CUBN: variants seen among roughly 807,000 people sequenced by gnomAD.
CUBN encodes cubilin, also known as 460 kDa receptor.
In CUBN, 282 loss-of-function variants were observed where a neutral mutation model predicts 405.3. The ratio of observed to expected loss-of-function variants is 0.70; its 90% CI spans 0.63 to 0.77. The LOEUF is 0.77. Among genes scored for constraint, CUBN ranks in the 30% least tolerant of loss-of-function variants. The pLI is 0.00. For missense variants in CUBN, 4,514 were observed against 4,475.2 expected, an observed-to-expected ratio of 1.01 and a Z score of -0.25; for synonymous variants, 1,684 against 1,617.0, an observed-to-expected ratio of 1.04 and a Z score of -0.99.
intron 40 of CUBN, 36 bp downstream of exon 40, chr10:16,933,051 A>T: frequency 6.3e-7 from 1 of 1,596,460 alleles, no homozygotes; most frequent in Non-Finnish European, 8.6e-7. Context: ...ATTATGTGTC[A>T]GGGTTGAAAC....
chr10:16,888,591 T>A, intron 55 of CUBN, 25 bp from the exon 56 acceptor site: 1 of 1,606,782 alleles, frequency 6.2e-7, no homozygotes, highest in Non-Finnish European at 8.5e-7. Context: ...AAAGTCATCA[T>A]CAGATCATTT....
chr10:17,054,065 G>A (rs990940619), intron 22 of CUBN, among the ~76,000 whole-genome samples: 1 of 151,994 alleles, frequency 6.6e-6, no homozygotes, highest in African/African-American at 2.4e-5. Context: ...GGGCGCAGTG[G>A]CTCACTCCTG....
At chr10:17,003,291 C>T (rs1239209946) in intron 28 of CUBN, among the ~76,000 whole-genome samples, 3 of 152,060 alleles carry the variant, frequency 2.0e-5, no homozygotes, top group African/African-American at 4.8e-5. Context: ...TAGCAGGAAG[C>T]GACACTGTGA....
intron 20 of CUBN, 57 bp downstream of exon 20, chr10:17,068,548 T>G (rs1835664242): frequency 2.9e-6 from 4 of 1,380,488 alleles, no homozygotes; most frequent in African/African-American, 1.5e-5. Flanking sequence ...TTTCTATCAT[T>G]CACTTATTCT....
At chr10:16,918,060 A>G (rs1841932032) in intron 45 of CUBN, among the ~76,000 whole-genome samples, 1 of 152,074 alleles carries the variant, frequency 6.6e-6, no homozygotes, top group Non-Finnish European at 1.5e-5. Flanking sequence ...TCTTTTCCCT[A>G]TTGCTTGCTT....
At chr10:17,031,441 C>T (rs74120105) in intron 27 of CUBN, among the ~76,000 whole-genome samples, 7,163 of 152,232 alleles carry the variant, frequency 0.047, 400 homozygotes, top group African/African-American at 0.13. Context: ...GAAAGTGAGG[C>T]ACATAGACAC....
intron 27 of CUBN, among the ~76,000 whole-genome samples, chr10:17,020,218 A>C (rs1834454169): frequency 6.6e-6 from 1 of 152,216 alleles, no homozygotes; most frequent in Non-Finnish European, 1.5e-5. Context: ...CCCAACTAGT[A>C]ACTTTTGGTT....
chr10:17,040,019 T>C (rs1834982454), intron 27 of CUBN, among the ~76,000 whole-genome samples: 1 of 152,182 alleles, frequency 6.6e-6, no homozygotes, highest in Non-Finnish European at 1.5e-5. Context: ...CTAGTTTTCC[T>C]ATACAACTTG....
In CUBN at chr10:17,071,862, A is replaced by G; in HGVS notation, c.2411T>C (p.Val804Ala). The G allele has an allele frequency of 2.5e-6, 4 of 1,613,038 alleles. No individual in the cohort carries two copies. The highest frequency in any genetic ancestry group is 3.4e-6 in the Non-Finnish European group (4 of 1,179,800). Residue 804 changes from valine to alanine, a missense_variant, in exon 18 of 67, where the codon GTT (valine) becomes GCT (alanine). By Grantham distance (64) the Val-to-Ala change is moderately conservative. Coordinates refer to ENST00000377833, the MANE Select transcript of CUBN (RefSeq NM_001081.4). ...VWIRFKIDAS[V>A]EKASFRAVYQ... ...AACAGCTCTGAAACTAGCTTTTTCA[A>G]CAGAAGCATCTATTTTAAACCTGAT...
chr10:16,958,511 G>C (rs1420287186), intron 31 of CUBN, among the ~76,000 whole-genome samples: 4 of 152,138 alleles, frequency 2.6e-5, no homozygotes, highest in Non-Finnish European at 4.4e-5. Context: ...GGGTGACAGA[G>C]TGAGACTCCA....
intron 28 of CUBN, among the ~76,000 whole-genome samples, chr10:17,005,782 G>A (rs4748341): frequency 0.4 from 60,831 of 151,978 alleles, 12,474 homozygotes; most frequent in East Asian, 0.59. Flanking sequence ...TTTCTGGTAT[G>A]GGCTGAATTG....
At chr10:17,115,695 A>G (rs942473060) in intron 6 of CUBN, 98 bp from the exon 7 acceptor site, 10 of 1,442,742 alleles carry the variant, frequency 6.9e-6, no homozygotes, top group African/African-American at 2.8e-5. Context: ...TTACAAATCA[A>G]CGATGTTAAC....
intron 39 of CUBN, 93 bp downstream of exon 39, chr10:16,937,499 T>C (rs1342916048): frequency 1.8e-6 from 2 of 1,087,720 alleles, no homozygotes; most frequent in African/African-American, 3.1e-5. Flanking sequence ...CTGTACTTAT[T>C]TTTATATCTG....
At chr10:17,079,275 A>G (rs1222188592) in intron 17 of CUBN, among the ~76,000 whole-genome samples, 2 of 134,738 alleles carry the variant, frequency 1.5e-5, no homozygotes, top group Non-Finnish European at 3.1e-5. Context: ...TCACTCTGTC[A>G]CCCAAGCTGG....
intron 28 of CUBN, among the ~76,000 whole-genome samples, chr10:17,001,496 C>T (rs56276052): frequency 0.12 from 17,532 of 152,198 alleles, 1,123 homozygotes; most frequent in Middle Eastern, 0.19. Flanking sequence ...AGCCACAGAG[C>T]GCCGACTGGC....
chr10:16,917,133 G>T (rs1841906094), intron 45 of CUBN, among the ~76,000 whole-genome samples: 1 of 152,010 alleles, frequency 6.6e-6, no homozygotes, highest in African/African-American at 2.4e-5. Context: ...TTTTTATCCA[G>T]TGACTGATTT....
At chr10:16,944,753 T>C (rs1228880002) in intron 36 of CUBN, among the ~76,000 whole-genome samples, 1 of 152,226 alleles carries the variant, frequency 6.6e-6, no homozygotes, top group Non-Finnish European at 1.5e-5. Flanking sequence ...GTAATTAAAA[T>C]GTAATGTCTA....
intron 22 of CUBN, among the ~76,000 whole-genome samples, chr10:17,061,629 T>A (rs1434142135): frequency 6.6e-6 from 1 of 152,098 alleles, no homozygotes; most frequent in South Asian, 2.1e-4. Context: ...CACCCACTGA[T>A]GAGTAGGTGG....
In CUBN at chr10:16,952,286, C is replaced by A; in HGVS notation, c.4959G>T (p.Ala1653=). Residue 1653 remains alanine, a synonymous_variant, in exon 33 of 67, where the codon GCG becomes GCT. Coordinates refer to ENST00000377833, the MANE Select transcript of CUBN (RefSeq NM_001081.4). The stretch of plus-strand genomic sequence containing the variant: ...ATTTTTGTTACTTACATGGAGGTTG[C>A]GCTTGAATGATCCAGCTGCAGTTCT... ...NNQNCSWIIQ[A]QPPLNHITLS... The A allele has an allele frequency of 6.2e-7, 1 of 1,611,220 alleles. No individual in the cohort carries two copies. The highest frequency in any genetic ancestry group is 8.5e-7 in the Non-Finnish European group (1 of 1,177,600).
Sources: allele counts gnomAD v4.1 joint callset (sites outside exome capture counted in the v4.1 genomes callset), GRCh38; gene constraint gnomAD v4.1.1; transcripts MANE v1.5; gene names NCBI Gene and HGNC (gene_info 2026-07-23, HGNC 2026-07-21).